The following ERMAP variants were observed in gnomAD, a reference collection of about 807,000 sequenced individuals.
The protein encoded by ERMAP is erythroid membrane-associated protein.
Under a neutral mutation model 49.5 loss-of-function variants are expected in ERMAP, and 34 were observed. The observed-to-expected ratio is 0.69, with a 90% CI of 0.52 to 0.91. ERMAP has a LOEUF of 0.91. Ranked by LOEUF, ERMAP falls within the 40% of genes least tolerant of loss-of-function variation. The pLI is 0.00. For missense variants in ERMAP, 541 were observed against 582.6 expected, an observed-to-expected ratio of 0.93 and a Z score of 0.74; for synonymous variants, 214 against 232.2, an observed-to-expected ratio of 0.92 and a Z score of 0.71.
intron 7 of ERMAP, among the ~76,000 whole-genome samples, 170 bp from the exon 8 acceptor site, chr1:42,838,731 A>G (rs545373859): frequency 6.6e-6 from 1 of 152,324 alleles, no homozygotes; most frequent in African/African-American, 2.4e-5. Context: ...CAGTGTCACC[A>G]GCACCATCAG....
chr1:42,839,091 C>G, intron 8 of ERMAP, 170 bp downstream of exon 8: 1 of 926,310 alleles, frequency 1.1e-6, no homozygotes, highest in East Asian at 2.5e-5. Context: ...CAAGTATTCT[C>G]TGCTCCTCTT....
In ERMAP at chr1:42,843,712, G is replaced by GT. The variant is rs3214967; in HGVS notation, c.*484dup. The GT allele has an allele frequency of 0.63, 126,458 of 200,268 alleles. 40,727 individuals carry two copies. Among genetic ancestry groups the GT allele is most frequent in the Middle Eastern group, 0.71 (376 of 530 alleles). 12.4% of individuals were successfully genotyped at this position (200,268 alleles called of 1,614,324 possible). A position where few individuals can be genotyped will look rare whatever the true frequency, so the allele number is the denominator to read the frequency against. On this transcript the variant is annotated 3_prime_UTR_variant, in exon 12 of 12. Transcript: ENST00000372517. Reference sequence around the variant, plus strand: ...AAGTCAGCTCTCTAAAAGCAAGCATGTTTTAGACCACTCACTCTTTCCCTC... The same window carrying GT: ...AAGTCAGCTCTCTAAAAGCAAGCATGTTTTTAGACCACTCACTCTTTCCCTC...
Position 42,831,070 on chromosome 1 carries a change from G to T in ERMAP, c.388G>T (p.Val130Phe). The part of the protein sequence containing the change: ...DQGSYRCLIQ[V>F]GNLSKEDTVI... ...AGGGTCTTACCGATGTCTGATCCAA[G>T]TTGGAAATCTGAGTAAAGAGGACAC... Residue 130 changes from valine (V) to phenylalanine (F), a missense_variant, in exon 4 of 12, where the codon GTT becomes TTT. Val to Phe is a conservative substitution (Grantham distance 50, BLOSUM62 -1). Transcript: ENST00000372517. The T allele has an allele frequency of 6.2e-7, 1 of 1,614,238 alleles. No homozygotes were observed. The highest frequency in any genetic ancestry group is 8.5e-7 in the Non-Finnish European group (1 of 1,180,040).
Position 42,819,546 on chromosome 1 carries a change from A to C in ERMAP, c.-122+2293A>C, listed in dbSNP as rs1330350287. On this transcript the variant is annotated intron_variant, in intron 1 of 11. Coordinates refer to ENST00000372517, the MANE Select transcript of ERMAP (RefSeq NM_001017922.2). This position sits in a 1 kb window ranked among gnomAD's most constrained non-coding sequence, Gnocchi z 5.1. Reference sequence around the variant, plus strand: ...CAAGAGTTTATAGTAATATAACTAGAATATTTTTACAGTTGAGGTATATAC... The same window carrying C: ...CAAGAGTTTATAGTAATATAACTAGCATATTTTTACAGTTGAGGTATATAC... 6.6e-6 allele frequency among the ~76,000 whole-genome samples: 1 copy of C among 152,172 alleles called. No individual in the cohort carries two copies. Among genetic ancestry groups the C allele is most frequent in the Non-Finnish European group, 1.5e-5 (1 of 68,042 alleles).
At chr1:42,835,551 G>A (rs901258143) in intron 5 of ERMAP, among the ~76,000 whole-genome samples, 181 bp from the exon 6 acceptor site, 5 of 152,190 alleles carry the variant, frequency 3.3e-5, no homozygotes, top group Non-Finnish European at 7.3e-5. Flanking sequence ...TCACAGTCAT[G>A]TAATCCAACA....
rs867377670 is a variant in ERMAP, at chr1:42,840,052, G to C, written c.657G>C (p.Leu219=). Residue 219 remains leucine, a splice_region_variant and synonymous_variant, in exon 9 of 12, where the codon CTG becomes CTC. Coordinates refer to ENST00000372517, the MANE Select transcript of ERMAP (RefSeq NM_001017922.2). ...CTTTAGAGAAACTCCGGAGTGAACT[G>C]AGTAAGTTTCCCATGTTCTTGTAAC... is the stretch of plus-strand genomic sequence containing the variant. ...HKAVKKLRSE[L]KLKRAAANSG... is the part of the protein sequence containing the mutation. The C allele has an allele frequency of 5.0e-6, 8 of 1,614,000 alleles. 1 individual carries two copies. The highest frequency in any genetic ancestry group is 3.3e-4 in the Middle Eastern group (2 of 6,084).
intron 1 of ERMAP, 43 bp from the exon 2 acceptor site, chr1:42,825,580 C>A: frequency 7.9e-7 from 1 of 1,264,762 alleles, no homozygotes; most frequent in South Asian, 1.3e-5. Flanking sequence ...CCTGGCCTCT[C>A]ATATTTCATA....
intron 2 of ERMAP, chr1:42,830,229 A>G (rs1654676273): frequency 1.7e-6 from 1 of 574,442 alleles, no homozygotes; most frequent in Admixed American, 3.0e-5. Flanking sequence ...AAGGAGGCAC[A>G]GTTCTTTTAC....
At chr1:42,840,927 GAGA>G (rs1456963139) in intron 11 of ERMAP, among the ~76,000 whole-genome samples, 1 of 152,148 alleles carries the variant, frequency 6.6e-6, no homozygotes, top group Non-Finnish European at 1.5e-5. Context: ...GAGATTCTCA[GAGA>G]AGAAGGGAAT....
At chr1:42,830,616 ATG>A in intron 3 of ERMAP, 83 bp downstream of exon 3, 1 of 1,529,760 alleles carries the variant, frequency 6.5e-7, no homozygotes, top group Non-Finnish European at 9.0e-7. Context: ...TGGAAACATT[ATG>A]TCTTTTGGGG....
At chr1:42,837,099 A>T in intron 6 of ERMAP, 59 bp from the exon 7 acceptor site, 1 of 1,584,342 alleles carries the variant, frequency 6.3e-7, no homozygotes, top group Non-Finnish European at 8.7e-7. Flanking sequence ...ATCAATAGGA[A>T]TCAGGGATCC....
At chr1:42,832,375 C>CT (rs1447950423) in intron 4 of ERMAP, among the ~76,000 whole-genome samples, 1 of 143,798 alleles carries the variant, frequency 7.0e-6, no homozygotes, top group Non-Finnish European at 1.5e-5. Flanking sequence ...TTTCTTTTTT[C>CT]TTTTTTTTGG....
chr1:42,835,431 A>G (rs575805145), intron 5 of ERMAP, among the ~76,000 whole-genome samples: 5 of 152,316 alleles, frequency 3.3e-5, no homozygotes, highest in Admixed American at 6.5e-5. Context: ...TTAACTAAGA[A>G]ATGAATTACA....
At chr1:42,839,884 T>A (rs1173080309) in intron 8 of ERMAP, 149 bp from the exon 9 acceptor site, 5 of 779,300 alleles carry the variant, frequency 6.4e-6, no homozygotes, top group Non-Finnish European at 1.1e-5. Context: ...AGCTGGGATC[T>A]ACTGCTCTTG....
intron 4 of ERMAP, 171 bp from the exon 5 acceptor site, chr1:42,834,867 A>G: frequency 1.7e-6 from 1 of 605,264 alleles, no homozygotes; most frequent in Non-Finnish European, 3.0e-6. Context: ...AGTTATCTTT[A>G]ATGCTATCCA....
At chr1:42,833,629 G>A (rs58724795) in intron 4 of ERMAP, among the ~76,000 whole-genome samples, 3,748 of 152,140 alleles carry the variant, frequency 0.025, 153 homozygotes, top group African/African-American at 0.085. Context: ...ATCTTTGAAC[G>A]TATTTTGGAA....
intron 2 of ERMAP, among the ~76,000 whole-genome samples, chr1:42,827,896 TC>T (rs1654599436): frequency 6.6e-6 from 1 of 152,198 alleles, no homozygotes; most frequent in Non-Finnish European, 1.5e-5. Context: ...TGATTGCCTT[TC>T]CTGTTCTAAG....
chr1:42,829,598 A>T (rs1364824925), intron 2 of ERMAP, among the ~76,000 whole-genome samples: 1 of 152,086 alleles, frequency 6.6e-6, no homozygotes, highest in Non-Finnish European at 1.5e-5. Flanking sequence ...TCTCCCTGTG[A>T]TTCATGCACA....
chr1:42,818,102 G>T (rs1654296038), intron 1 of ERMAP, among the ~76,000 whole-genome samples: 2 of 152,166 alleles, frequency 1.3e-5, no homozygotes, highest in Admixed American at 1.3e-4. Flanking sequence ...CCCTGTTTGG[G>T]TCCACTATTT....
Sources: gnomAD v4.1 joint callset for allele counts (sites outside exome capture counted in the v4.1 genomes callset) on GRCh38, gnomAD v4.1.1 for gene constraint, Gnocchi (gnomAD v3.1) non-coding constraint, MANE v1.5 for transcripts, NCBI Gene and HGNC (gene_info 2026-07-23, HGNC 2026-07-21) for gene names.